The following SEMA4F variants were observed in gnomAD, a reference collection of about 807,000 sequenced individuals.
SEMA4F encodes the protein ssemaphorin 4F.
In SEMA4F, 51 loss-of-function variants were observed where a neutral mutation model predicts 78.4. The observed-to-expected ratio is 0.65, with a 90% CI of 0.52 to 0.82. The LOEUF is 0.82. Ranked by LOEUF, SEMA4F falls within the 40% of genes least tolerant of loss-of-function variation. The pLI, the probability that SEMA4F is intolerant of heterozygous loss-of-function variation, is 0.00. For synonymous variants in SEMA4F, 418 were observed against 408.7 expected (o/e 1.02, Z -0.27); for missense variants, 938 against 1,014.4 (o/e 0.92, Z 1.02).
downstream of SEMA4F, among the ~76,000 whole-genome samples, chr2:74,688,383 C>T (rs929117514): frequency 6.6e-6 from 1 of 151,972 alleles, no homozygotes; most frequent in Non-Finnish European, 1.5e-5. Flanking sequence ...TAAAACACCA[C>T]ATTAAAATAA....
At position 74,654,519 on chromosome 2, in the gene SEMA4F, C is replaced by A; in HGVS notation, c.143C>A (p.Ser48Tyr). 6.4e-7 allele frequency: 1 copy of A among 1,559,538 alleles called. No homozygotes were observed. Among genetic ancestry groups the A allele is most frequent in the East Asian group, 2.5e-5 (1 of 40,298 alleles). Residue 48 changes from serine (S) to tyrosine (Y), a missense_variant and splice_region_variant, in exon 1 of 14, where the codon TCT becomes TAT. Physicochemically the swap from Ser to Tyr is moderately radical, Grantham distance 144. Coordinates refer to ENST00000357877, the MANE Select transcript of SEMA4F (RefSeq NM_004263.5). ...RSVPRTSLPI[S>Y]EADSCLTRFA... ...GTGCCCAGAACCTCGCTTCCAATCTCTGGTAAGGCGCGGACGCCCACGCCC... is the reference window on the plus strand; with the variant it reads ...GTGCCCAGAACCTCGCTTCCAATCTATGGTAAGGCGCGGACGCCCACGCCC...
At chr2:74,702,284 A>G in the SEMA4F span, among the ~76,000 whole-genome samples, 1 of 152,190 alleles carries the variant, frequency 6.6e-6, no homozygotes, top group African/African-American at 2.4e-5. Flanking sequence ...CTCAAATTCA[A>G]GATGACCAAA....
intron 5 of SEMA4F, among the ~76,000 whole-genome samples, chr2:74,671,596 C>T (rs1396472075): frequency 6.6e-6 from 1 of 152,200 alleles, no homozygotes. Flanking sequence ...CTATGACTTT[C>T]ATGTCATGAC....
At chr2:74,687,475 C>CT (rs954430797), downstream of SEMA4F, among the ~76,000 whole-genome samples, 1 of 152,208 alleles carries the variant, frequency 6.6e-6, no homozygotes, top group Non-Finnish European at 1.5e-5. Context: ...TGAACTATGG[C>CT]TTTTTTGTTC....
chr2:74,708,297 A>G, the SEMA4F span, among the ~76,000 whole-genome samples: 1 of 152,178 alleles, frequency 6.6e-6, no homozygotes, highest in East Asian at 1.9e-4. Flanking sequence ...ACCAGGTATG[A>G]GAAGAAGTAG....
the SEMA4F span, among the ~76,000 whole-genome samples, chr2:74,702,601 C>T: frequency 6.6e-6 from 1 of 152,078 alleles, no homozygotes. Context: ...ATCCTAGAAA[C>T]CTGGATTCCG....
rs771319105 is a variant in SEMA4F at position 74,675,821 on chromosome 2, T to G, written c.1555T>G (p.Cys519Gly). Residue 519 changes from cysteine to glycine, a missense_variant, in exon 12 of 14, where the codon TGC becomes GGC. Coordinates refer to ENST00000357877, the MANE Select transcript of SEMA4F (RefSeq NM_004263.5). The stretch of plus-strand genomic sequence containing the variant: ...AACCAACTGTGGCCGTCTCCAGAGC[T>G]GCTCAGAGTGCATCCTGGCCCAGGA... ...NTTNCGRLQS[C>G]SECILAQDPV... 1.3e-5 allele frequency: 21 copies of G among 1,614,258 alleles called. No individual in the cohort carries two copies. The highest frequency in any genetic ancestry group is 2.2e-5 in the South Asian group (2 of 91,090).
At position 74,680,118 on chromosome 2, in the gene SEMA4F, C is replaced by T. The variant is rs769332845; in HGVS notation, c.2222C>T (p.Ser741Leu). 2 of 1,613,098 alleles carry T rather than the reference C, an allele frequency of 1.2e-6. No homozygotes were observed. The highest frequency in any genetic ancestry group is 2.2e-5 in the South Asian group (2 of 91,056). Reference sequence around the variant, plus strand: ...AGGGGCAGTGGCTTTGGTGGATTCTCACCACCCTTCCTGCTTGATCCTTGC... The same window carrying T: ...AGGGGCAGTGGCTTTGGTGGATTCTTACCACCCTTCCTGCTTGATCCTTGC... The part of the protein sequence containing the change: ...AKRGSGFGGF[S>L]PPFLLDPCPS... The change falls in exon 14 of 14, where the codon TCA becomes TTA. Residue 741 changes from serine (S) to leucine (L), a missense_variant. Transcript: ENST00000357877.
At chr2:74,672,805 A>G (rs1464663902) in intron 5 of SEMA4F, among the ~76,000 whole-genome samples, 3 of 151,722 alleles carry the variant, frequency 2.0e-5, no homozygotes, top group African/African-American at 7.3e-5. Flanking sequence ...TGAAATCTCC[A>G]CTCATCTCCT....
chr2:74,666,553 A>T (rs189428164), intron 5 of SEMA4F, among the ~76,000 whole-genome samples: 79 of 152,304 alleles, frequency 5.2e-4, no homozygotes, highest in African/African-American at 1.8e-3. Flanking sequence ...CTCAGATCCA[A>T]ATCATAGTCA....
chr2:74,661,896 A>G (rs956759152), intron 4 of SEMA4F, among the ~76,000 whole-genome samples: 11 of 152,224 alleles, frequency 7.2e-5, no homozygotes, highest in African/African-American at 2.7e-4. Flanking sequence ...TTTCCGTGCC[A>G]TAACTTTGAC....
chr2:74,656,408 T>G (rs1684137858), intron 1 of SEMA4F, 126 bp from the exon 2 acceptor site: 1 of 842,996 alleles, frequency 1.2e-6, no homozygotes, highest in African/African-American at 1.7e-5. Context: ...AGGCTGTGTT[T>G]CTCCCCCATG....
At chr2:74,701,573 C>T in the SEMA4F span, among the ~76,000 whole-genome samples, 2 of 152,150 alleles carry the variant, frequency 1.3e-5, no homozygotes, top group Admixed American at 1.3e-4. Flanking sequence ...TGAGCTCTCG[C>T]CATGCTCCGT....
chr2:74,671,627 C>G (rs1422419808), intron 5 of SEMA4F, among the ~76,000 whole-genome samples: 3 of 152,206 alleles, frequency 2.0e-5, no homozygotes, highest in Non-Finnish European at 4.4e-5. Context: ...AGTGTGATGA[C>G]TCCCAAGTTG....
chr2:74,657,728 G>T, intron 3 of SEMA4F, 104 bp downstream of exon 3: 1 of 1,401,394 alleles, frequency 7.1e-7, no homozygotes, highest in Admixed American at 1.7e-5. Flanking sequence ...CCCAGGCAGA[G>T]ACTCTAACAC....
intron 5 of SEMA4F, among the ~76,000 whole-genome samples, chr2:74,669,953 A>G (rs1684898200): frequency 6.6e-6 from 1 of 152,188 alleles, no homozygotes; most frequent in South Asian, 2.1e-4. Context: ...TCAATGAATA[A>G]TCTTTCCTAT....
intron 12 of SEMA4F, among the ~76,000 whole-genome samples, chr2:74,676,549 C>T (rs1335428512): frequency 1.3e-5 from 2 of 152,304 alleles, no homozygotes; most frequent in Admixed American, 6.5e-5. Context: ...TCACATGCTC[C>T]TCCTCTGGTC....
intron 5 of SEMA4F, among the ~76,000 whole-genome samples, chr2:74,666,527 CTA>C (rs1318128488): frequency 6.6e-6 from 1 of 151,916 alleles, no homozygotes; most frequent in African/African-American, 2.4e-5. Flanking sequence ...TGTGGAAACT[CTA>C]TGTCTCTAGC....
chr2:74,689,948 TC>T, the SEMA4F span, among the ~76,000 whole-genome samples: 1 of 152,196 alleles, frequency 6.6e-6, no homozygotes, highest in Non-Finnish European at 1.5e-5. Context: ...GACTGGTGCT[TC>T]TTTACCAGTT....
Sources: gnomAD v4.1 joint callset for allele counts (sites outside exome capture counted in the v4.1 genomes callset) on GRCh38, gnomAD v4.1.1 for gene constraint, MANE v1.5 for transcripts, NCBI Gene and HGNC (gene_info 2026-07-23, HGNC 2026-07-21) for gene names.